Variants in KIF14 observed in about 807,000 individuals in gnomAD.
KIF14 encodes kinesin family member 14, also known as kinesin-like protein KIF14.
KIF14 carries 98 observed loss-of-function variants against 176.2 expected under a neutral mutation model. The ratio of observed to expected loss-of-function variants is 0.56; its 90% CI spans 0.47 to 0.66. KIF14 has a LOEUF of 0.66. Ranked by LOEUF, KIF14 falls within the 30% of genes least tolerant of loss-of-function variation. KIF14 has a pLI of 0.00. For synonymous variants in KIF14, 566 were observed against 632.2 expected (o/e 0.90, Z 1.57); for missense variants, 1,751 against 1,920.4 (o/e 0.91, Z 1.65).
chr1:200,600,644 A>G (rs559962615), intron 11 of KIF14, 141 bp from the exon 12 acceptor site: 53 of 633,882 alleles, frequency 8.4e-5, no homozygotes, highest in African/African-American at 7.5e-4. Context: ...TGGAGAAATC[A>G]GCTCTACTTT....
intron 5 of KIF14, 137 bp downstream of exon 5, chr1:200,608,693 T>C (rs1660007017): frequency 1.2e-5 from 7 of 605,162 alleles, no homozygotes; most frequent in East Asian, 2.9e-5. Flanking sequence ...AATAATCTAA[T>C]TGGACTGTAG....
chr1:200,606,594 G>T, intron 6 of KIF14, 152 bp downstream of exon 6: 1 of 693,130 alleles, frequency 1.4e-6, no homozygotes, highest in Non-Finnish European at 2.5e-6. Flanking sequence ...AAACCTAATT[G>T]GACAATATCA....
At position 200,618,356 on chromosome 1, in the gene KIF14, C is replaced by T. The variant is rs538563307; in HGVS notation, c.368G>A (p.Arg123His). 307 of 1,614,088 alleles carry T rather than the reference C, an allele frequency of 1.9e-4. 4 individuals are homozygous for T. The South Asian group carries it at 2.9e-3, about 15-fold the overall frequency. Reference sequence around the variant, plus strand: ...TTCTGCAGAATCTGTTTTAGCACGACGTTGTAATGTAAGACGTGTTTCTGC... The same window carrying T: ...TTCTGCAGAATCTGTTTTAGCACGATGTTGTAATGTAAGACGTGTTTCTGC... ...KTAETRLTLQ[R>H]RAKTDSAEKW... Residue 123 changes from arginine (R) to histidine (H), a missense_variant, in exon 2 of 30, where the codon CGT becomes CAT. Arg to His is a conservative substitution (Grantham distance 29). Coordinates refer to ENST00000367350, the MANE Select transcript of KIF14 (RefSeq NM_014875.3).
At chr1:200,592,572 C>T (rs1483473483) in intron 15 of KIF14, among the ~76,000 whole-genome samples, 1 of 152,194 alleles carries the variant, frequency 6.6e-6, no homozygotes, top group Non-Finnish European at 1.5e-5. Flanking sequence ...GATGGGGTTT[C>T]ACCATGTTGG....
chr1:200,577,656 G>A (rs1421785434), intron 21 of KIF14, among the ~76,000 whole-genome samples: 1 of 150,812 alleles, frequency 6.6e-6, no homozygotes, highest in Non-Finnish European at 1.5e-5. Flanking sequence ...AGCCGAAATC[G>A]CACCACTGCA....
chr1:200,584,215 C>CAAA (rs71135371), intron 19 of KIF14, among the ~76,000 whole-genome samples: 15,791 of 134,906 alleles, frequency 0.12, 1,361 homozygotes, highest in East Asian at 0.38. Context: ...GACTCTGTTT[C>CAAA]AAAAAAAAAA....
chr1:200,552,580 A>G lies in KIF14; in HGVS notation c.*808T>C, dbSNP rs958326520. 11 of 152,062 alleles carry G rather than the reference A, an allele frequency of 7.2e-5. No individual in the cohort carries two copies. Among genetic ancestry groups the G allele is most frequent in the African/African-American group, 2.7e-4 (11 of 41,448 alleles). The allele number at this position is 152,062 out of a possible 1,614,324, so 9.4% of individuals were successfully genotyped here. On this transcript the variant is annotated 3_prime_UTR_variant, in exon 30 of 30. Transcript: ENST00000367350. ...GTAAACTACTGTGCCAGCAAGCCAT[A>G]TTATTAATATATAATTATACTATAT... is the stretch of plus-strand genomic sequence containing the variant.
Position 200,594,347 on chromosome 1 carries a change from A to G in KIF14, c.2550-578T>C, listed in dbSNP as rs553938611. On this transcript the variant is annotated intron_variant, in intron 14 of 29. Coordinates refer to ENST00000367350, the MANE Select transcript of KIF14 (RefSeq NM_014875.3). ...TTTTTATTATAACTTCTTTGAAAAC[A>G]AAAACCTTCCCCCAAAAATTCAAAA... is the stretch of plus-strand genomic sequence containing the variant. Among the ~76,000 whole-genome samples the G allele has an allele frequency of 2.0e-5, 3 of 147,990 alleles. No homozygotes were observed. In the South Asian group the frequency reaches 6.4e-4, roughly 32 times the overall value.
At chr1:200,559,270 G>GA (rs1656996746) in intron 27 of KIF14, 60 bp downstream of exon 27, 4 of 1,118,720 alleles carry the variant, frequency 3.6e-6, no homozygotes, top group Admixed American at 3.1e-5. Flanking sequence ...TTTGTTGACT[G>GA]AAAAAATCAA....
Position 200,606,768 on chromosome 1 carries a change from G to A in KIF14, c.1585C>T (p.Pro529Ser), listed in dbSNP as rs755837315. 5.6e-6 allele frequency: 9 copies of A among 1,613,312 alleles called. No homozygotes were observed. In the Admixed American group the frequency reaches 1.2e-4, roughly 21 times the overall value. Residue 529 changes from proline (P) to serine (S), a missense_variant, in exon 6 of 30, where the codon CCA becomes TCA. Pro to Ser is a moderately conservative substitution (Grantham distance 74). Coordinates refer to ENST00000367350, the MANE Select transcript of KIF14 (RefSeq NM_014875.3). ...TACATTGACAGTGCTTCAACATATGGTCCATAAACAGGATGTTCCCTCACT... is the reference window on the plus strand; with the variant it reads ...TACATTGACAGTGCTTCAACATATGATCCATAAACAGGATGTTCCCTCACT... ...LRVREHPVYG[P>S]YVEALSMNIV...
intron 7 of KIF14, 86 bp from the exon 8 acceptor site, chr1:200,605,476 G>A (rs776893237): frequency 3.9e-5 from 34 of 864,628 alleles, no homozygotes; most frequent in Middle Eastern, 2.3e-4. Flanking sequence ...ATACACATTT[G>A]TAATTCAGAT....
chr1:200,590,515 G>C (rs1369271680), intron 16 of KIF14, among the ~76,000 whole-genome samples: 1 of 152,100 alleles, frequency 6.6e-6, no homozygotes, highest in Non-Finnish European at 1.5e-5. Context: ...GCAGATGCCT[G>C]ACATTTAAAT....
intron 4 of KIF14, among the ~76,000 whole-genome samples, chr1:200,612,065 T>C (rs1317284127): frequency 2.6e-5 from 4 of 151,822 alleles, no homozygotes; most frequent in Non-Finnish European, 5.9e-5. Context: ...TACAGTGGCA[T>C]GATCTCAGCT....
At chr1:200,587,435 C>T (rs912357914) in intron 18 of KIF14, among the ~76,000 whole-genome samples, 5 of 146,784 alleles carry the variant, frequency 3.4e-5, no homozygotes, top group Non-Finnish European at 4.5e-5. Context: ...TATCCAAGAA[C>T]ACTTGTTGAC....
chr1:200,600,393 GT>G lies in KIF14; in HGVS notation c.2262del (p.Lys754AsnfsTer53). On this transcript the variant is annotated frameshift_variant, in exon 12 of 30. Transcript: ENST00000367350. LOFTEE classifies it high-confidence loss of function. ...GCCATGTCTCTCTCCTGTTGATGCA[GT>G]TTCATTCTTAAGGATGTTATTTCTT... ...CRQEITSLRM[K>X]LHQQERDMAE... 2 of 1,613,690 alleles carry G rather than the reference GT, an allele frequency of 1.2e-6. No homozygotes were observed. The highest frequency in any genetic ancestry group is 1.7e-6 in the Non-Finnish European group (2 of 1,179,718).
In KIF14 at chr1:200,552,356, G is replaced by A. The variant is rs1200144111; in HGVS notation, c.*1032C>T. 4 of 151,724 alleles carry A rather than the reference G, an allele frequency of 2.6e-5. No individual in the cohort carries two copies. Among genetic ancestry groups the A allele is most frequent in the South Asian group, 2.1e-4 (1 of 4,814 alleles). 9.4% of individuals were successfully genotyped at this position (151,724 alleles called of 1,614,324 possible). A position where few individuals can be genotyped will look rare whatever the true frequency, so the allele number is the denominator to read the frequency against. On this transcript the variant is annotated 3_prime_UTR_variant, in exon 30 of 30. Transcript: ENST00000367350. ...TAAATAAAGGTTTTTTTTTAAAGCT[G>A]TGGAAAATAAGGGTCTTTAATCTTC...
In KIF14 at chr1:200,601,889, T is replaced by C. The variant is rs765689289; in HGVS notation, c.2152+7A>G. 1 of 1,590,318 alleles carries C rather than the reference T, an allele frequency of 6.3e-7. No homozygotes were observed. Among genetic ancestry groups the C allele is most frequent in the South Asian group, 1.1e-5 (1 of 87,508 alleles). ...AAACAATTTTTAAATTCTGAGAAAA[T>C]ATTCACCTCTAATTAACTTAGCGTT... On this transcript the variant is annotated splice_region_variant and intron_variant, in intron 11 of 29. Coordinates refer to ENST00000367350, the MANE Select transcript of KIF14 (RefSeq NM_014875.3).
Position 200,617,646 on chromosome 1 carries a change from T to A in KIF14, c.1078A>T (p.Thr360Ser), listed in dbSNP as rs1660466484. 2 of 1,612,956 alleles carry A rather than the reference T, an allele frequency of 1.2e-6. No homozygotes were observed. The highest frequency in any genetic ancestry group is 2.2e-5 in the East Asian group (1 of 44,856). ...AAAGGTCTTACGCGTACTGCCACTG[T>A]CACTTGACTATTCTCTACTTTTAAG... ...DPLKVENSQV[T>S]VAVRVRPFTK... Residue 360 changes from threonine (T) to serine (S), a missense_variant, in exon 2 of 30, where the codon ACA (threonine) becomes TCA (serine). Coordinates refer to ENST00000367350, the MANE Select transcript of KIF14 (RefSeq NM_014875.3).
At position 200,617,656 on chromosome 1, in the gene KIF14, A is replaced by G. The variant is rs765659178; in HGVS notation, c.1068T>C (p.Asn356=). 1.9e-6 allele frequency: 3 copies of G among 1,613,760 alleles called. No homozygotes were observed. Among genetic ancestry groups the G allele is most frequent in the East Asian group, 2.2e-5 (1 of 44,896 alleles). ...CGCGTACTGCCACTGTCACTTGACT[A>G]TTCTCTACTTTTAAGGGGTCTTTTC... ...SAGKDPLKVE[N]SQVTVAVRVR... The change falls in exon 2 of 30, where the codon AAT becomes AAC. Residue 356 remains asparagine (N), a synonymous_variant. Coordinates refer to ENST00000367350, the MANE Select transcript of KIF14 (RefSeq NM_014875.3).
Sources: allele counts gnomAD v4.1 joint callset (sites outside exome capture counted in the v4.1 genomes callset), GRCh38; gene constraint gnomAD v4.1.1; transcripts MANE v1.5; gene names NCBI Gene and HGNC (gene_info 2026-07-23, HGNC 2026-07-21).